Variants in SYT1 observed in about 807,000 individuals in gnomAD.
The protein encoded by SYT1 is synaptotagmin 1, also known as synaptotagmin-1.
A neutral mutation model predicts 44.8 loss-of-function variants in SYT1; 8 were observed. That is an observed-to-expected ratio of 0.18 (90% CI 0.10 to 0.32). SYT1 has a LOEUF of 0.32. Among genes scored for constraint, SYT1 ranks in the 10% least tolerant of loss-of-function variants. The probability of loss-of-function intolerance (pLI) is 1.00; values close to 1 mark genes in which losing one functional copy is unlikely to be tolerated. For missense variants in SYT1, 286 were observed against 509.3 expected, an observed-to-expected ratio of 0.56 and a Z score of 4.22; for synonymous variants, 154 against 188.8, an observed-to-expected ratio of 0.82 and a Z score of 1.51.
intron 2 of SYT1, among the ~76,000 whole-genome samples, chr12:79,000,612 C>G (rs1160985545): frequency 2.0e-5 from 3 of 152,032 alleles, no homozygotes; most frequent in African/African-American, 7.2e-5. Context: ...TTAACTTCTT[C>G]TTAATTTGAA....
In SYT1 at chr12:79,292,132, T is replaced by C; in HGVS notation, c.474+2T>C. 1 of 1,611,782 alleles carries C rather than the reference T, an allele frequency of 6.2e-7. No individual in the cohort carries two copies. The highest frequency in any genetic ancestry group is 8.5e-7 in the Non-Finnish European group (1 of 1,179,326). On this transcript the variant is annotated splice_donor_variant, in intron 6 of 10. Transcript: ENST00000261205. LOFTEE classifies it high-confidence loss of function. ...GATTATGATTTCCAAAATAACCAGG[T>C]CTGAAGTGGAGAAATGTCTTCTAAT...
chr12:79,033,617 G>A (rs1223764763), intron 2 of SYT1, among the ~76,000 whole-genome samples: 2 of 151,234 alleles, frequency 1.3e-5, no homozygotes, highest in African/African-American at 2.4e-5. Context: ...ATTGAAGGGG[G>A]ATCTAGAGTC....
chr12:78,931,311 G>C (rs1168552772), intron 1 of SYT1, among the ~76,000 whole-genome samples: 2 of 18,224 alleles, frequency 1.1e-4, no homozygotes, highest in South Asian at 8.3e-3. Context: ...AGGAAGGAGA[G>C]GGAGGGAGGG....
At chr12:79,010,986 G>A (rs1165643743) in intron 2 of SYT1, among the ~76,000 whole-genome samples, 4 of 152,168 alleles carry the variant, frequency 2.6e-5, no homozygotes, top group Non-Finnish European at 4.4e-5. Flanking sequence ...AATTGTACCT[G>A]CAGAGATGGT....
At position 79,179,532 on chromosome 12, in the gene SYT1, G is replaced by GATATATCT. The variant is rs376671906; in HGVS notation, c.-17-37966_-17-37965insTCTATATA. On this transcript the variant is annotated intron_variant, in intron 3 of 10. Coordinates refer to ENST00000261205, the MANE Select transcript of SYT1 (RefSeq NM_005639.3). The stretch of plus-strand genomic sequence containing the variant: ...ATATAGATATATCTATATAGATATA[G>GATATATCT]ATATAGATATAGAGATATAGATATA... 1.3e-3 allele frequency among the ~76,000 whole-genome samples: 160 copies of GATATATCT among 118,766 alleles called. 2 individuals carry two copies. The highest frequency in any genetic ancestry group is 3.8e-3 in the African/African-American group (116 of 30,410). 77.9% of individuals were successfully genotyped at this position (118,766 alleles called of 152,430 possible). A position where few individuals can be genotyped will look rare whatever the true frequency, so the allele number is the denominator to read the frequency against.
At chr12:79,052,832 G>A (rs1451745311) in intron 3 of SYT1, among the ~76,000 whole-genome samples, 1 of 151,972 alleles carries the variant, frequency 6.6e-6, no homozygotes, top group Non-Finnish European at 1.5e-5. Flanking sequence ...AGTTAGAATG[G>A]CAATCATTAA....
At chr12:79,433,099 C>T (rs1869894169) in intron 9 of SYT1, among the ~76,000 whole-genome samples, 1 of 152,104 alleles carries the variant, frequency 6.6e-6, no homozygotes, top group South Asian at 2.1e-4. Context: ...CCTCAGTTAT[C>T]CTAAGATTAT....
intron 3 of SYT1, 25 bp from the exon 4 acceptor site, chr12:79,217,478 T>C: frequency 6.6e-7 from 1 of 1,525,108 alleles, no homozygotes. Context: ...TGAATTGTTC[T>C]GTCTTTGCTT....
At chr12:78,874,907 C>T (rs1312597786) in intron 1 of SYT1, among the ~76,000 whole-genome samples, 3 of 151,566 alleles carry the variant, frequency 2.0e-5, no homozygotes, top group Non-Finnish European at 4.4e-5. Context: ...CTCTGTTTGG[C>T]TTCCTCACTT....
chr12:79,085,671 T>C (rs941061245), intron 3 of SYT1, among the ~76,000 whole-genome samples: 16 of 152,282 alleles, frequency 1.1e-4, no homozygotes, highest in Non-Finnish European at 2.4e-4. Context: ...CCTGGGACTC[T>C]GAGCTTCACC....
intron 9 of SYT1, among the ~76,000 whole-genome samples, chr12:79,367,448 A>G (rs1318176049): frequency 6.6e-6 from 1 of 152,330 alleles, no homozygotes; most frequent in African/African-American, 2.4e-5. Flanking sequence ...AATATGAGTC[A>G]GTATTTGTTG....
At chr12:79,117,576 G>A (rs1879342073) in intron 3 of SYT1, among the ~76,000 whole-genome samples, 1 of 148,546 alleles carries the variant, frequency 6.7e-6, no homozygotes, top group Non-Finnish European at 1.5e-5. Context: ...TTCTGCCCAT[G>A]GGGTGCAGAG....
intron 3 of SYT1, among the ~76,000 whole-genome samples, chr12:79,167,240 G>A (rs573424560): frequency 7.0e-4 from 107 of 152,082 alleles, no homozygotes; most frequent in Middle Eastern, 3.4e-3. Flanking sequence ...TCAAGAAGAC[G>A]TAGGGCATAC....
At position 79,322,041 on chromosome 12, in the gene SYT1, G is replaced by A. The variant is rs185421091; in HGVS notation, c.810+22490G>A. Among the ~76,000 whole-genome samples, 576 of 152,132 alleles carry A rather than the reference G, an allele frequency of 3.8e-3. 3 individuals are homozygous for A. The highest frequency in any genetic ancestry group is 6.8e-3 in the Middle Eastern group (2 of 294). ...CAGGGCCAAGATGAAGTGACCCACC[G>A]TTTCCCACCGCCCCTCTCATTCTCA... On this transcript the variant is annotated intron_variant, in intron 8 of 10. Transcript: ENST00000261205.
chr12:79,239,778 G>A (rs894864838), intron 4 of SYT1, among the ~76,000 whole-genome samples: 4 of 152,280 alleles, frequency 2.6e-5, no homozygotes, highest in Admixed American at 2.6e-4. Flanking sequence ...AGGGAGTCCA[G>A]GCTTTTTTCC....
At chr12:79,395,040 C>T (rs1163724805) in intron 9 of SYT1, among the ~76,000 whole-genome samples, 1 of 151,958 alleles carries the variant, frequency 6.6e-6, no homozygotes, top group East Asian at 1.9e-4. Flanking sequence ...TTTTAAAGAA[C>T]TTGATACATA....
chr12:78,999,855 C>T (rs938259236), intron 2 of SYT1, among the ~76,000 whole-genome samples: 3 of 152,138 alleles, frequency 2.0e-5, no homozygotes, highest in Admixed American at 1.3e-4. Flanking sequence ...AGAAAACGTT[C>T]TAATCACTAC....
At chr12:79,325,468 A>T (rs1485870263) in intron 8 of SYT1, among the ~76,000 whole-genome samples, 1 of 152,252 alleles carries the variant, frequency 6.6e-6, no homozygotes, top group Non-Finnish European at 1.5e-5. Context: ...TACACAAAAT[A>T]TATAGAGAAT....
intron 3 of SYT1, among the ~76,000 whole-genome samples, chr12:79,133,552 T>TA (rs1868989375): frequency 6.6e-6 from 1 of 152,142 alleles, no homozygotes; most frequent in African/African-American, 2.4e-5. Flanking sequence ...CCAAAAAAAT[T>TA]AAAAGGCTTT....
Sources: gnomAD v4.1 joint callset for allele counts (sites outside exome capture counted in the v4.1 genomes callset) on GRCh38, gnomAD v4.1.1 for gene constraint, MANE v1.5 for transcripts, NCBI Gene and HGNC (gene_info 2026-07-23, HGNC 2026-07-21) for gene names.